The following DLC1 variants were observed in gnomAD, a reference collection of about 807,000 sequenced individuals.
DLC1 encodes the protein rho GTPase-activating protein 7.
Under a neutral mutation model 140.3 loss-of-function variants are expected in DLC1, and 54 were observed. The observed-to-expected ratio is 0.38, with a 90% CI of 0.31 to 0.48. The LOEUF (loss-of-function observed/expected upper bound fraction) is 0.48. DLC1 is among the 20% of genes least tolerant of loss of function. The pLI is 0.96. For missense variants in DLC1, 2,536 were observed against 1,907.0 expected, an observed-to-expected ratio of 1.33 and a Z score of -6.14; for synonymous variants, 986 against 728.1, an observed-to-expected ratio of 1.35 and a Z score of -5.70.
chr8:13,223,565 A>C (rs1828657537), intron 5 of DLC1, among the ~76,000 whole-genome samples: 2 of 152,350 alleles, frequency 1.3e-5, no homozygotes, highest in South Asian at 4.1e-4. Flanking sequence ...CCTTAGTTTA[A>C]CTTAATGTTC....
chr8:13,301,497 C>A (rs1449633540), intron 5 of DLC1, among the ~76,000 whole-genome samples: 1 of 152,122 alleles, frequency 6.6e-6, no homozygotes, highest in Non-Finnish European at 1.5e-5. Flanking sequence ...TTAGTTTGTA[C>A]CAAGCATTGT....
At chr8:13,152,232 G>A (rs552065842) in intron 5 of DLC1, among the ~76,000 whole-genome samples, 7 of 152,200 alleles carry the variant, frequency 4.6e-5, no homozygotes, top group African/African-American at 1.4e-4. Flanking sequence ...CGTAAGAAGT[G>A]TTCTGAAATG....
At chr8:13,167,006 G>T (rs1426504358) in intron 5 of DLC1, among the ~76,000 whole-genome samples, 2 of 152,112 alleles carry the variant, frequency 1.3e-5, no homozygotes, top group African/African-American at 2.4e-5. Flanking sequence ...ATTTTGCCTA[G>T]TTCATCTCCT....
At chr8:13,149,417 C>T (rs774972309) in intron 5 of DLC1, among the ~76,000 whole-genome samples, 1 of 152,216 alleles carries the variant, frequency 6.6e-6, no homozygotes, top group African/African-American at 2.4e-5. Context: ...GTCTTTCCCT[C>T]GGACAAACTA....
At chr8:13,136,385 C>T (rs1822561219) in intron 5 of DLC1, among the ~76,000 whole-genome samples, 1 of 152,104 alleles carries the variant, frequency 6.6e-6, no homozygotes, top group Non-Finnish European at 1.5e-5. Flanking sequence ...ATCTTTATGT[C>T]CATGAGTACT....
At chr8:13,126,735 C>G (rs1043002051) in intron 5 of DLC1, among the ~76,000 whole-genome samples, 3 of 152,290 alleles carry the variant, frequency 2.0e-5, no homozygotes, top group Admixed American at 2.0e-4. Flanking sequence ...TAAACTCTTT[C>G]TTTTACATAT....
intron 2 of DLC1, among the ~76,000 whole-genome samples, chr8:13,489,426 C>CACACAA (rs1217918731): frequency 1.3e-4 from 19 of 147,476 alleles, no homozygotes; most frequent in African/African-American, 2.8e-4. Flanking sequence ...CACACACACA[C>CACACAA]ACACACACAC....
intron 5 of DLC1, among the ~76,000 whole-genome samples, chr8:13,125,409 G>A (rs544691663): frequency 1.3e-5 from 2 of 152,358 alleles, no homozygotes; most frequent in African/African-American, 4.8e-5. Flanking sequence ...TTGAGAGGAA[G>A]AAAACACTTC....
rs773483544 is a variant in DLC1 at position 13,152,824 on chromosome 8, G to GAAAAAAAAAAAAA, written c.1349-37180_1349-37168dup. ...AGACTGAGACCCTGTCTCTGGGGAA[G>GAAAAAAAAAAAAA]AAAAAAAAAAAAAAAGCAACCAACC... On this transcript the variant is annotated intron_variant, in intron 5 of 17. Transcript: ENST00000276297. 1.5e-3 allele frequency among the ~76,000 whole-genome samples: 139 copies of GAAAAAAAAAAAAA among 90,194 alleles called. 10 individuals are homozygous for GAAAAAAAAAAAAA. The highest frequency in any genetic ancestry group is 0.016 in the Middle Eastern group (2 of 124). The allele number at this position is 90,194 out of a possible 152,430, so 59.2% of individuals were successfully genotyped here.
intron 5 of DLC1, among the ~76,000 whole-genome samples, chr8:13,225,996 T>C (rs866299128): frequency 1.3e-5 from 2 of 152,170 alleles, no homozygotes; most frequent in Non-Finnish European, 2.9e-5. Context: ...CATTGCAGCC[T>C]TGAACTCCAG....
chr8:13,315,071 G>A (rs1832814705), intron 4 of DLC1, among the ~76,000 whole-genome samples: 1 of 152,170 alleles, frequency 6.6e-6, no homozygotes, highest in African/African-American at 2.4e-5. Flanking sequence ...GAAATCTACT[G>A]TAAGTGATTG....
intron 5 of DLC1, among the ~76,000 whole-genome samples, chr8:13,257,830 A>G (rs1386114731): frequency 2.0e-5 from 3 of 152,184 alleles, no homozygotes; most frequent in Non-Finnish European, 2.9e-5. Flanking sequence ...TGGGAACTTC[A>G]TAGCAATCTC....
At chr8:13,515,277 C>T (rs1363719632), upstream of DLC1, among the ~76,000 whole-genome samples, 1 of 152,208 alleles carries the variant, frequency 6.6e-6, no homozygotes, top group East Asian at 1.9e-4. Context: ...ATGGCAAAAC[C>T]TTTTTTGAAC....
chr8:13,539,742 G>GTGTGTATA (rs1174364630), intron 1 of DLC1, among the ~76,000 whole-genome samples: 2 of 118,900 alleles, frequency 1.7e-5, no homozygotes, highest in Non-Finnish European at 3.5e-5. Context: ...ATTAAGAAAT[G>GTGTGTATA]TGTGTGTATG....
chr8:13,175,027 TC>T (rs1315267600), intron 5 of DLC1, among the ~76,000 whole-genome samples: 1 of 119,382 alleles, frequency 8.4e-6, no homozygotes, highest in Non-Finnish European at 1.8e-5. Context: ...TAATCCATCT[TC>T]AGTTAATTTT....
At chr8:13,539,699 C>A (rs1172008319) in intron 1 of DLC1, among the ~76,000 whole-genome samples, 1 of 151,432 alleles carries the variant, frequency 6.6e-6, no homozygotes, top group East Asian at 1.9e-4. Flanking sequence ...ATGTTTGTAG[C>A]TTTTATTCTG....
intron 5 of DLC1, among the ~76,000 whole-genome samples, chr8:13,304,062 T>C (rs1222964416): frequency 6.6e-6 from 1 of 152,194 alleles, no homozygotes. Context: ...TGTTCTGTTA[T>C]ATACTTTGTT....
At chr8:13,341,868 C>G (rs1222420637) in intron 4 of DLC1, 1 of 152,142 alleles carries the variant, frequency 6.6e-6, no homozygotes, top group African/African-American at 2.4e-5. Context: ...CCATCAGATT[C>G]TCTAATCACC....
chr8:13,365,808 A>G (rs1319510082), intron 4 of DLC1, among the ~76,000 whole-genome samples: 2 of 152,184 alleles, frequency 1.3e-5, no homozygotes, highest in Non-Finnish European at 2.9e-5. Context: ...GCTAATGGAA[A>G]TGTCAACCTC....
Sources: gnomAD v4.1 joint callset for allele counts (sites outside exome capture counted in the v4.1 genomes callset) on GRCh38, gnomAD v4.1.1 for gene constraint, MANE v1.5 for transcripts, NCBI Gene and HGNC (gene_info 2026-07-23, HGNC 2026-07-21) for gene names.